Variants in NRXN3 observed in about 807,000 individuals in gnomAD.
NRXN3 encodes the protein neurexin III.
NRXN3 carries 32 observed loss-of-function variants against 137.6 expected under a neutral mutation model. The ratio of observed to expected loss-of-function variants is 0.23; its 90% CI spans 0.18 to 0.31. The LOEUF is 0.31. Ranked by LOEUF, NRXN3 falls within the 10% of genes least tolerant of loss-of-function variation. The pLI, the probability that NRXN3 is intolerant of heterozygous loss-of-function variation, is 1.00. For synonymous variants in NRXN3, 798 were observed against 784.5 expected (o/e 1.02, Z -0.29); for missense variants, 1,574 against 2,062.5 (o/e 0.76, Z 4.59).
chr14:78,352,621 A>G (rs143368277), intron 4 of NRXN3, among the ~76,000 whole-genome samples: 1 of 152,312 alleles, frequency 6.6e-6, no homozygotes, highest in Non-Finnish European at 1.5e-5. Context: ...TGCGGACATC[A>G]GGGCACAAAA....
chr14:78,174,505 G>A (rs889655690), intron 1 of NRXN3, among the ~76,000 whole-genome samples: 4 of 152,130 alleles, frequency 2.6e-5, no homozygotes, highest in Admixed American at 6.5e-5. Context: ...GTTGGTTTAC[G>A]GGTGGGGACT....
intron 16 of NRXN3, among the ~76,000 whole-genome samples, chr14:79,516,732 C>T (rs1488432937): frequency 6.6e-6 from 1 of 152,044 alleles, no homozygotes; most frequent in Non-Finnish European, 1.5e-5. Flanking sequence ...TCTCATAGTC[C>T]CACCTACTAA....
At chr14:78,950,554 A>T (rs971886574) in intron 10 of NRXN3, among the ~76,000 whole-genome samples, 2 of 152,074 alleles carry the variant, frequency 1.3e-5, no homozygotes, top group African/African-American at 2.4e-5. Context: ...GTCTTAAGGC[A>T]TAGGTTACAG....
intron 4 of NRXN3, among the ~76,000 whole-genome samples, chr14:78,481,308 A>G (rs1011437853): frequency 3.9e-5 from 6 of 152,230 alleles, no homozygotes; most frequent in African/African-American, 1.2e-4. Flanking sequence ...ATTCTTATCA[A>G]GTTAACTGTC....
At chr14:78,613,548 GC>G (rs1393813807) in intron 4 of NRXN3, among the ~76,000 whole-genome samples, 2 of 147,254 alleles carry the variant, frequency 1.4e-5, no homozygotes, top group Non-Finnish European at 3.0e-5. Context: ...GAGTCTTTAA[GC>G]AAGAGGAGAA....
At chr14:78,851,433 CTG>C (rs565348012) in intron 10 of NRXN3, among the ~76,000 whole-genome samples, 2 of 152,288 alleles carry the variant, frequency 1.3e-5, no homozygotes, top group African/African-American at 4.8e-5. Flanking sequence ...CTCGTAAAGG[CTG>C]TGTTAGAGAG....
intron 8 of NRXN3, among the ~76,000 whole-genome samples, chr14:78,795,142 G>T (rs2098817700): frequency 6.6e-6 from 1 of 152,126 alleles, no homozygotes; most frequent in Non-Finnish European, 1.5e-5. Context: ...TCTTTGAAAA[G>T]GGAGGAGGAT....
chr14:78,280,701 T>G (rs74065972), intron 3 of NRXN3, among the ~76,000 whole-genome samples: 6 of 152,150 alleles, frequency 3.9e-5, no homozygotes, highest in East Asian at 1.9e-4. Context: ...CTTTTTCTAG[T>G]GCTCACACAG....
chr14:78,889,180 T>G (rs936785213), intron 10 of NRXN3, among the ~76,000 whole-genome samples: 1 of 151,982 alleles, frequency 6.6e-6, no homozygotes, highest in Non-Finnish European at 1.5e-5. Flanking sequence ...CCATTTCTTA[T>G]GATATTTAAC....
chr14:79,251,208 G>A (rs375549713), intron 15 of NRXN3, among the ~76,000 whole-genome samples: 9 of 152,264 alleles, frequency 5.9e-5, no homozygotes, highest in East Asian at 1.9e-4. Flanking sequence ...AGATTTCTCC[G>A]GGGAAATGTA....
At chr14:79,805,484 A>T (rs539865650) in intron 20 of NRXN3, among the ~76,000 whole-genome samples, 1 of 152,196 alleles carries the variant, frequency 6.6e-6, no homozygotes, top group African/African-American at 2.4e-5. Context: ...CAGACTTACC[A>T]CTGGAGCAGC....
At chr14:79,601,502 T>C (rs1400412202) in intron 16 of NRXN3, among the ~76,000 whole-genome samples, 6 of 152,218 alleles carry the variant, frequency 3.9e-5, no homozygotes, top group African/African-American at 1.2e-4. Context: ...CACTTTCATT[T>C]GAACTTCCTC....
chr14:78,491,959 G>A (rs1315570594), intron 4 of NRXN3, among the ~76,000 whole-genome samples: 1 of 152,196 alleles, frequency 6.6e-6, no homozygotes, highest in African/African-American at 2.4e-5. Flanking sequence ...TTTGGGACCA[G>A]GAAGGTGCTG....
intron 10 of NRXN3, among the ~76,000 whole-genome samples, chr14:78,929,113 G>C (rs2099314460): frequency 6.6e-6 from 1 of 152,060 alleles, no homozygotes; most frequent in African/African-American, 2.4e-5. Context: ...AGAAGTGTCT[G>C]TTCATATCCT....
chr14:78,630,891 C>G (rs753268165), intron 4 of NRXN3, among the ~76,000 whole-genome samples: 1 of 152,194 alleles, frequency 6.6e-6, no homozygotes, highest in East Asian at 1.9e-4. Context: ...AGACGTGAGC[C>G]GCTGCACCCG....
In NRXN3 at chr14:78,882,085, C is replaced by T. The variant is rs548576472; in HGVS notation, c.2275+71741C>T. 2.0e-5 allele frequency among the ~76,000 whole-genome samples: 3 copies of T among 151,852 alleles called. No individual in the cohort carries two copies. In the South Asian group the frequency reaches 6.2e-4, roughly 32 times the overall value. On this transcript the variant is annotated intron_variant, in intron 10 of 20. Transcript: ENST00000335750. ...TTGGCAGCTTCCACATAGTGTTGGG[C>T]CTGTGATTGTATAGAAGACAAGAAT...
intron 4 of NRXN3, among the ~76,000 whole-genome samples, chr14:78,426,241 C>G (rs1230330748): frequency 1.3e-5 from 2 of 152,150 alleles, no homozygotes; most frequent in Non-Finnish European, 2.9e-5. Context: ...ACAGGGTGGC[C>G]CAAGCACCGT....
intron 10 of NRXN3, among the ~76,000 whole-genome samples, chr14:78,844,059 G>A (rs2099019961): frequency 6.6e-6 from 1 of 152,032 alleles, no homozygotes; most frequent in Admixed American, 6.6e-5. Flanking sequence ...CAAGGCACTG[G>A]CAAAGTTTTA....
At chr14:79,813,433 T>A (rs1192590637) in intron 20 of NRXN3, among the ~76,000 whole-genome samples, 1 of 152,190 alleles carries the variant, frequency 6.6e-6, no homozygotes, top group Non-Finnish European at 1.5e-5. Context: ...GTGGTTCAAT[T>A]TATTTTGTTT....
Sources: allele counts gnomAD v4.1 joint callset (sites outside exome capture counted in the v4.1 genomes callset), GRCh38; gene constraint gnomAD v4.1.1; transcripts MANE v1.5; gene names NCBI Gene and HGNC (gene_info 2026-07-23, HGNC 2026-07-21).